The following COL4A6 variants were observed in gnomAD, a reference collection of about 807,000 sequenced individuals.
The protein encoded by COL4A6 is collagen alpha-6(IV) chain.
Under a neutral mutation model 126.7 loss-of-function variants are expected in COL4A6, and 59 were observed. That is an observed-to-expected ratio of 0.47 (90% CI 0.38 to 0.58). The LOEUF (loss-of-function observed/expected upper bound fraction) is 0.58. Ranked by LOEUF, COL4A6 falls within the 20% of genes least tolerant of loss-of-function variation. The probability of loss-of-function intolerance (pLI) is 0.00; values close to 1 mark genes in which losing one functional copy is unlikely to be tolerated. For synonymous variants in COL4A6, 547 were observed against 496.6 expected (o/e 1.10, Z -1.35); for missense variants, 1,285 against 1,337.3 (o/e 0.96, Z 0.61).
intron 5 of COL4A6, among the ~76,000 whole-genome samples, chrX:108,216,198 T>A (rs183621619): frequency 1.8e-5 from 2 of 112,390 alleles, no homozygotes; most frequent in African/African-American, 6.5e-5. Context: ...CAGGGATACC[T>A]GTTTACACTT....
intron 44 of COL4A6, 77 bp downstream of exon 44, chrX:108,159,385 G>C (rs1395108908): frequency 9.4e-7 from 1 of 1,062,064 alleles, no homozygotes; most frequent in Non-Finnish European, 1.3e-6. Context: ...CTTTCTACCT[G>C]GTGTCCCTTG....
intron 2 of COL4A6, among the ~76,000 whole-genome samples, chrX:108,377,014 C>T (rs967892084): frequency 6.2e-5 from 7 of 112,417 alleles, no homozygotes; most frequent in East Asian, 2.8e-4. Context: ...GGACCCGCGC[C>T]GGCCGCGGCC....
chrX:108,203,711 A>C (rs2035457523), intron 12 of COL4A6, among the ~76,000 whole-genome samples: 1 of 112,710 alleles, frequency 8.9e-6, no homozygotes, highest in Non-Finnish European at 1.9e-5. Flanking sequence ...ACGGCCATTC[A>C]ATTACAACCA....
In COL4A6 at chrX:108,437,984, C is replaced by G. The variant is rs761170979; in HGVS notation, c.21G>C (p.Leu7=). 2 of 1,210,991 alleles carry G rather than the reference C, an allele frequency of 1.7e-6. No individual in the cohort carries two copies. Among genetic ancestry groups the G allele is most frequent in the Non-Finnish European group, 2.2e-6 (2 of 895,165 alleles). The stretch of plus-strand genomic sequence containing the variant: ...CGGTCAGGCACAACGTAACCAGGAG[C>G]AGCCACAACCTGAAATGGGAGGGAG... MHPGLW[L]LLVTLCLTEE... The change falls in exon 2 of 45, where the codon CTG becomes CTC. Residue 7 remains leucine (L), a synonymous_variant. Coordinates refer to ENST00000334504, the MANE Select transcript of COL4A6 (RefSeq NM_033641.4).
intron 2 of COL4A6, among the ~76,000 whole-genome samples, chrX:108,360,373 A>G: frequency 1.8e-5 from 2 of 111,824 alleles, no homozygotes; most frequent in South Asian, 7.6e-4. Context: ...GGGAGACAAG[A>G]ATGACTCACT....
At chrX:108,191,111 T>G (rs760921513) in intron 19 of COL4A6, among the ~76,000 whole-genome samples, 13 of 112,014 alleles carry the variant, frequency 1.2e-4, no homozygotes, top group South Asian at 3.8e-4. Context: ...GCTTAAGGGC[T>G]GAGAACAGTG....
At chrX:108,219,553 T>G (rs2035954201) in intron 5 of COL4A6, 145 bp downstream of exon 5, 5 of 544,287 alleles carry the variant, frequency 9.2e-6, no homozygotes, top group Non-Finnish European at 1.6e-5. Context: ...GTGTGACCAC[T>G]GCCCTTTAAA....
At chrX:108,227,216 C>G (rs751902992) in intron 3 of COL4A6, among the ~76,000 whole-genome samples, 1 of 112,177 alleles carries the variant, frequency 8.9e-6, no homozygotes, top group Non-Finnish European at 1.9e-5. Flanking sequence ...GCCTGGTACA[C>G]AGTGGGCATC....
chrX:108,256,340 C>A lies in COL4A6; in HGVS notation c.145-34966G>T, dbSNP rs778223529. On this transcript the variant is annotated intron_variant, in intron 3 of 44. Coordinates refer to ENST00000334504, the MANE Select transcript of COL4A6 (RefSeq NM_033641.4). ...GATGGGCTTAAATGTTTCTTACTGGCTCTAGCATCCTGAGTCAATGAAATA... is the reference window on the plus strand; with the variant it reads ...GATGGGCTTAAATGTTTCTTACTGGATCTAGCATCCTGAGTCAATGAAATA... Among the ~76,000 whole-genome samples, 3 of 111,990 alleles carry A rather than the reference C, an allele frequency of 2.7e-5. No individual in the cohort carries two copies. In the South Asian group the frequency reaches 1.1e-3, roughly 42 times the overall value.
intron 2 of COL4A6, among the ~76,000 whole-genome samples, chrX:108,400,647 C>G (rs963255739): frequency 6.3e-5 from 7 of 110,848 alleles, no homozygotes; most frequent in Non-Finnish European, 1.1e-4. Context: ...AAAGTCTTAT[C>G]TTCTGTTTTT....
chrX:108,422,734 G>A (rs866064139), intron 2 of COL4A6, among the ~76,000 whole-genome samples: 4 of 112,070 alleles, frequency 3.6e-5, no homozygotes, highest in Non-Finnish European at 5.6e-5. Flanking sequence ...TATCCTAGCC[G>A]TTAGGTTGAA....
At chrX:108,369,958 T>A (rs1319611108) in intron 2 of COL4A6, among the ~76,000 whole-genome samples, 1 of 112,326 alleles carries the variant, frequency 8.9e-6, no homozygotes, top group South Asian at 3.7e-4. Flanking sequence ...TGCAGTTTGC[T>A]GACTCTAACT....
intron 25 of COL4A6, among the ~76,000 whole-genome samples, 192 bp downstream of exon 25, chrX:108,180,323 A>G (rs1377216015): frequency 9.0e-6 from 1 of 111,357 alleles, no homozygotes; most frequent in East Asian, 2.8e-4. Flanking sequence ...TATTGCTCTA[A>G]TATGCTGTCA....
chrX:108,370,016 A>G (rs2040288662), intron 2 of COL4A6, among the ~76,000 whole-genome samples: 1 of 112,108 alleles, frequency 8.9e-6, no homozygotes, highest in African/African-American at 3.2e-5. Context: ...TTTCCCCAGA[A>G]GGGGGAAATA....
At chrX:108,195,251 A>T in intron 14 of COL4A6, 125 bp from the exon 15 acceptor site, 1 of 496,784 alleles carries the variant, frequency 2.0e-6, no homozygotes, top group Non-Finnish European at 3.4e-6. Flanking sequence ...AGGTAAGCGA[A>T]TGTTCCTAGA....
At chrX:108,307,118 A>G (rs1295310829) in intron 3 of COL4A6, among the ~76,000 whole-genome samples, 1 of 109,119 alleles carries the variant, frequency 9.2e-6, no homozygotes, top group Non-Finnish European at 1.9e-5. Context: ...GGGAAAAAAA[A>G]TACCAGGGAA....
chrX:108,389,635 A>G (rs1244655880), intron 2 of COL4A6, among the ~76,000 whole-genome samples: 1 of 110,376 alleles, frequency 9.1e-6, no homozygotes, highest in East Asian at 2.8e-4. Context: ...TGCATGTGTG[A>G]TGGGTCTCCT....
chrX:108,179,153 G>T, intron 26 of COL4A6, 64 bp downstream of exon 26: 1 of 985,030 alleles, frequency 1.0e-6, no homozygotes. Context: ...AGTATTCATG[G>T]AAGTATACGA....
At chrX:108,403,977 G>A (rs995416528) in intron 2 of COL4A6, among the ~76,000 whole-genome samples, 1 of 111,488 alleles carries the variant, frequency 9.0e-6, no homozygotes, top group Non-Finnish European at 1.9e-5. Flanking sequence ...GATTTAATAA[G>A]GGGGTCTTAG....
Sources: allele counts gnomAD v4.1 joint callset (sites outside exome capture counted in the v4.1 genomes callset), GRCh38; gene constraint gnomAD v4.1.1; transcripts MANE v1.5; gene names NCBI Gene and HGNC (gene_info 2026-07-23, HGNC 2026-07-21).